HIVEP2: variants seen among roughly 807,000 people sequenced by gnomAD.
HIVEP2 encodes HIVEP zinc finger 2.
A neutral mutation model predicts 180.7 loss-of-function variants in HIVEP2; 14 were observed. That is an observed-to-expected ratio of 0.08 (90% CI 0.05 to 0.12). HIVEP2 has a LOEUF of 0.12. Among genes scored for constraint, HIVEP2 ranks in the 10% least tolerant of loss-of-function variants. HIVEP2 has a pLI of 1.00. For missense variants in HIVEP2, 2,579 were observed against 3,008.5 expected (o/e 0.86, Z 3.34); for synonymous variants, 1,184 against 1,136.4 (o/e 1.04, Z -0.84).
intron 2 of HIVEP2, among the ~76,000 whole-genome samples, chr6:142,833,763 C>T (rs546190845): frequency 6.6e-6 from 1 of 152,280 alleles, no homozygotes; most frequent in South Asian, 2.1e-4. Context: ...GCTCCACTCA[C>T]CTAAGCTAGA....
Position 142,818,447 on chromosome 6 carries a change from C to T in HIVEP2, c.-528+18488G>A, listed in dbSNP as rs112899386. Among the ~76,000 whole-genome samples, 523 of 152,056 alleles carry T rather than the reference C, an allele frequency of 3.4e-3. 1 individual carries two copies. The highest frequency in any genetic ancestry group is 0.012 in the African/African-American group (501 of 41,468). ...ATCCCAGCACTTTGGGAGGCCAAAGCGGGTGGATCACTTGAGGTCAGGAGT... is the reference window on the plus strand; with the variant it reads ...ATCCCAGCACTTTGGGAGGCCAAAGTGGGTGGATCACTTGAGGTCAGGAGT... On this transcript the variant is annotated intron_variant, in intron 2 of 9. Coordinates refer to ENST00000367603, the MANE Select transcript of HIVEP2 (RefSeq NM_006734.4).
chr6:142,926,875 A>AAGGGGGGAGGCC (rs1440154354), intron 1 of HIVEP2, among the ~76,000 whole-genome samples: 1 of 151,710 alleles, frequency 6.6e-6, no homozygotes, highest in Admixed American at 6.6e-5. Flanking sequence ...TCCCGGCAGG[A>AAGGGGGGAGGCC]AGGGGGGAGG....
In HIVEP2 at chr6:142,773,824, A is replaced by T. The variant is rs1775621282; in HGVS notation, c.915T>A (p.Ile305=). ...MSPGPPIPLD[I]ASRGGYHGSL... ...ACCCATGATAGCCGCCTCTGCTGGC[A>T]ATGTCCAGTGGGATGGGTGGACCAG... Residue 305 remains isoleucine, a synonymous_variant, in exon 5 of 10, where the codon ATT becomes ATA. Coordinates refer to ENST00000367603, the MANE Select transcript of HIVEP2 (RefSeq NM_006734.4). 1 of 1,613,808 alleles carries T rather than the reference A, an allele frequency of 6.2e-7. No homozygotes were observed.
intron 2 of HIVEP2, among the ~76,000 whole-genome samples, chr6:142,815,873 T>C (rs1054996918): frequency 2.0e-5 from 3 of 152,236 alleles, no homozygotes; most frequent in African/African-American, 7.2e-5. Flanking sequence ...CCTTCTTTTG[T>C]GCCATCTGGT....
intron 2 of HIVEP2, among the ~76,000 whole-genome samples, chr6:142,790,068 C>T (rs1776101186): frequency 6.6e-6 from 1 of 152,038 alleles, no homozygotes. Flanking sequence ...GATTTTTATG[C>T]TCTTATAACG....
At chr6:142,853,630 G>A (rs1323632401) in intron 1 of HIVEP2, among the ~76,000 whole-genome samples, 1 of 152,172 alleles carries the variant, frequency 6.6e-6, no homozygotes, top group African/African-American at 2.4e-5. Context: ...TAGTCACACT[G>A]AGAAATTGAG....
At chr6:142,832,161 C>T (rs1253448945) in intron 2 of HIVEP2, among the ~76,000 whole-genome samples, 1 of 146,848 alleles carries the variant, frequency 6.8e-6, no homozygotes, top group Non-Finnish European at 1.5e-5. Context: ...CACTGCACTC[C>T]ATCCTGGGCA....
intron 1 of HIVEP2, among the ~76,000 whole-genome samples, chr6:142,942,112 T>C (rs997560664): frequency 3.3e-5 from 5 of 152,328 alleles, no homozygotes; most frequent in African/African-American, 9.6e-5. Flanking sequence ...ACATTTTCTA[T>C]CATTCTTTAA....
intron 3 of HIVEP2, among the ~76,000 whole-genome samples, chr6:142,777,648 CAAAAAAAAAAAAAAAAAAAA>C (rs58304452): frequency 8.3e-4 from 23 of 27,672 alleles, no homozygotes; most frequent in African/African-American, 3.5e-3. Flanking sequence ...AACTCCATCT[CAAAAAAAAAAAAAAAAAAAA>C]AAAAAAAAAA....
intron 1 of HIVEP2, 97 bp from the exon 2 acceptor site, chr6:142,837,144 A>G (rs1484739155): frequency 1.3e-5 from 2 of 152,172 alleles, no homozygotes; most frequent in Non-Finnish European, 2.9e-5. Flanking sequence ...GTATTATGAT[A>G]TTATACTATC....
chr6:142,910,477 C>T (rs1025894953), intron 1 of HIVEP2, among the ~76,000 whole-genome samples: 1 of 152,236 alleles, frequency 6.6e-6, no homozygotes, highest in Non-Finnish European at 1.5e-5. Context: ...TGGCGCATGC[C>T]TGTAGTCCCA....
chr6:142,849,476 T>C (rs1775593721), intron 1 of HIVEP2, among the ~76,000 whole-genome samples: 1 of 152,178 alleles, frequency 6.6e-6, no homozygotes, highest in Non-Finnish European at 1.5e-5. Flanking sequence ...TATTGAAGAC[T>C]ATTAGCATCA....
In HIVEP2 at chr6:142,761,552, C is replaced by T. The variant is rs568360861; in HGVS notation, c.5532G>A (p.Lys1844=). Residue 1844 remains lysine (K), a synonymous_variant, in exon 8 of 10, where the codon AAG becomes AAA. Coordinates refer to ENST00000367603, the MANE Select transcript of HIVEP2 (RefSeq NM_006734.4). The part of the protein sequence containing the change: ...FAFKTKGNLT[K]HMKSKAHMKK... ...TCATGTGTGCTTTAGATTTCATATG[C>T]TTCGTTAGGTTTCCTTGAAAATGTA... 1.9e-6 allele frequency: 3 copies of T among 1,595,330 alleles called. No homozygotes were observed. The highest frequency in any genetic ancestry group is 2.2e-5 in the South Asian group (2 of 90,708).
At position 142,760,321 on chromosome 6, in the gene HIVEP2, T is replaced by C. The variant is rs745886505; in HGVS notation, c.5967A>G (p.Ser1989=). Residue 1989 remains serine, a synonymous_variant, in exon 9 of 10, where the codon TCA becomes TCG. Transcript: ENST00000367603. ...ATTCTGTCATCTGGGTATCTTCACATGAATCACTGGGTGTCATAAGCTGAG... is the reference window on the plus strand; with the variant it reads ...ATTCTGTCATCTGGGTATCTTCACACGAATCACTGGGTGTCATAAGCTGAG... ...RVTQLMTPSD[S]CEDTQMTEYQ... 6.2e-6 allele frequency: 10 copies of C among 1,614,078 alleles called. No individual in the cohort carries two copies. In the South Asian group the frequency reaches 9.9e-5, roughly 16 times the overall value.
chr6:142,854,014 A>T (rs951835184), intron 1 of HIVEP2, among the ~76,000 whole-genome samples: 2 of 152,120 alleles, frequency 1.3e-5, no homozygotes, highest in African/African-American at 4.8e-5. Flanking sequence ...CTGACTGGGA[A>T]TATTCACTGT....
rs201212519 is a variant in HIVEP2 at position 142,773,654 on chromosome 6, G to A, written c.1085C>T (p.Ser362Leu). ...TGCAAGTTTCTGTTTGACTGTGTGC[G>A]AATCATCAGCCTTAGTATTTAAAGA... ...NPSLNTKADDSHTVKQKLALR... is the reference protein window; with the variant it reads ...NPSLNTKADDLHTVKQKLALR... Residue 362 changes from serine (S) to leucine (L), a missense_variant, in exon 5 of 10, where the codon TCG becomes TTG. Around this residue, in one of 11 missense-constraint regions of HIVEP2, gnomAD observed 47 missense variants for 92.5 expected, o/e 0.51. Coordinates refer to ENST00000367603, the MANE Select transcript of HIVEP2 (RefSeq NM_006734.4). 57 of 1,614,096 alleles carry A rather than the reference G, an allele frequency of 3.5e-5. No homozygotes were observed. Among genetic ancestry groups the A allele is most frequent in the Non-Finnish European group, 4.4e-5 (52 of 1,180,004 alleles).
chr6:142,834,382 T>A (rs1451630170), intron 2 of HIVEP2, among the ~76,000 whole-genome samples: 1 of 152,190 alleles, frequency 6.6e-6, no homozygotes, highest in Non-Finnish European at 1.5e-5. Flanking sequence ...AATAATTGTA[T>A]AATTATCAGC....
At chr6:142,862,557 C>T (rs198661) in intron 1 of HIVEP2, among the ~76,000 whole-genome samples, 18,453 of 111,834 alleles carry the variant, frequency 0.17, 1,874 homozygotes, top group East Asian at 0.23. Flanking sequence ...TTATAATACA[C>T]ATAATCGATT....
intron 2 of HIVEP2, among the ~76,000 whole-genome samples, chr6:142,821,959 T>C (rs893241277): frequency 1.3e-5 from 2 of 151,938 alleles, no homozygotes; most frequent in Admixed American, 1.3e-4. Context: ...ACCAGCAAAG[T>C]GCAAACAAAG....
Sources: gnomAD v4.1 joint callset for allele counts (sites outside exome capture counted in the v4.1 genomes callset) on GRCh38, gnomAD v4.1.1 for gene constraint, gnomAD v4.1.1 regional missense constraint, MANE v1.5 for transcripts, NCBI Gene and HGNC (gene_info 2026-07-23, HGNC 2026-07-21) for gene names.